Variants in FRAS1 observed in about 807,000 individuals in gnomAD.
FRAS1 encodes extracellular matrix organizing protein FRAS1.
In FRAS1, 290 loss-of-function variants were observed where a neutral mutation model predicts 435.2. The ratio of observed to expected loss-of-function variants is 0.67; its 90% CI spans 0.61 to 0.73. FRAS1 has a LOEUF of 0.73. Ranked by LOEUF, FRAS1 falls within the 30% of genes least tolerant of loss-of-function variation. The pLI is 0.00. For synonymous variants in FRAS1, 1,800 were observed against 1,851.0 expected (o/e 0.97, Z 0.71); for missense variants, 4,860 against 5,001.5 (o/e 0.97, Z 0.85).
chr4:78,531,620 T>G (rs1227929949), intron 70 of FRAS1, among the ~76,000 whole-genome samples: 1 of 152,214 alleles, frequency 6.6e-6, no homozygotes, highest in Non-Finnish European at 1.5e-5. Context: ...AACTTGCTGC[T>G]TCTCCCCTGT....
intron 2 of FRAS1, among the ~76,000 whole-genome samples, chr4:78,196,610 T>G (rs1722823975): frequency 1.3e-5 from 2 of 152,222 alleles, no homozygotes; most frequent in Admixed American, 1.3e-4. Flanking sequence ...ATAACTTTTT[T>G]TTTTTCCTGA....
chr4:78,337,865 G>T, intron 20 of FRAS1, 48 bp downstream of exon 20: 1 of 1,605,534 alleles, frequency 6.2e-7, no homozygotes, highest in Non-Finnish European at 8.5e-7. Flanking sequence ...GGCAGCTGCC[G>T]GGGCTCTTCA....
chr4:78,124,069 C>T (rs1719191159), intron 2 of FRAS1, among the ~76,000 whole-genome samples: 1 of 152,190 alleles, frequency 6.6e-6, no homozygotes, highest in Admixed American at 6.5e-5. Context: ...AAAGGGAATG[C>T]TTCCAGTTTT....
chr4:78,303,904 T>C (rs375964250), intron 14 of FRAS1, among the ~76,000 whole-genome samples: 6 of 150,346 alleles, frequency 4.0e-5, no homozygotes, highest in South Asian at 2.1e-4. Flanking sequence ...TGAATAGGAG[T>C]GGTGAGAGAG....
intron 22 of FRAS1, among the ~76,000 whole-genome samples, chr4:78,366,305 C>G (rs11945678): frequency 0.43 from 65,271 of 152,100 alleles, 16,196 homozygotes; most frequent in Non-Finnish European, 0.56. Context: ...CAGAGTTACT[C>G]AAGCCAATCT....
chr4:78,126,428 G>T (rs527785869), intron 2 of FRAS1, among the ~76,000 whole-genome samples: 102 of 152,330 alleles, frequency 6.7e-4, no homozygotes, highest in Admixed American at 1.6e-3. Flanking sequence ...ACTAGTCCCA[G>T]TGAGATGAAC....
chr4:78,098,284 T>G (rs1741924058), intron 2 of FRAS1, among the ~76,000 whole-genome samples: 1 of 150,526 alleles, frequency 6.6e-6, no homozygotes, highest in Non-Finnish European at 1.5e-5. Flanking sequence ...TTCTTTTTTT[T>G]TTTTTTTTGG....
rs74893276 is a variant in FRAS1, at chr4:78,264,004, A to G, written c.604-1021A>G. Among the ~76,000 whole-genome samples the G allele has an allele frequency of 5.0e-3, 758 of 152,314 alleles. 6 individuals are homozygous for G. Among genetic ancestry groups the G allele is most frequent in the Non-Finnish European group, 8.7e-3 (595 of 68,024 alleles). ...CTTGCAGCATGAATACCAGAGTAAC[A>G]ATGACAATAAAATTGTGTTTTCTAC... On this transcript the variant is annotated intron_variant, in intron 6 of 73. Transcript: ENST00000512123.
chr4:78,334,280 A>G (rs1730072276), intron 19 of FRAS1, among the ~76,000 whole-genome samples: 1 of 149,414 alleles, frequency 6.7e-6, no homozygotes, highest in African/African-American at 2.5e-5. Context: ...TCTACTTTTT[A>G]TGCATGTTGT....
intron 1 of FRAS1, among the ~76,000 whole-genome samples, chr4:78,061,502 G>C (rs1368251386): frequency 6.6e-6 from 1 of 152,142 alleles, no homozygotes; most frequent in Non-Finnish European, 1.5e-5. Flanking sequence ...TGTGATTTTA[G>C]CCATTCCCAC....
At chr4:78,101,884 G>T (rs1742149886) in intron 2 of FRAS1, among the ~76,000 whole-genome samples, 1 of 152,138 alleles carries the variant, frequency 6.6e-6, no homozygotes, top group South Asian at 2.1e-4. Flanking sequence ...CAGTCACGGA[G>T]TGCAGGTTTT....
At chr4:78,066,281 T>A (rs1740035703) in intron 2 of FRAS1, among the ~76,000 whole-genome samples, 2 of 152,168 alleles carry the variant, frequency 1.3e-5, no homozygotes, top group African/African-American at 4.8e-5. Flanking sequence ...GTTCTTTGTG[T>A]TCTTTTAATC....
At chr4:78,379,479 T>C in intron 26 of FRAS1, 1 of 450,724 alleles carries the variant, frequency 2.2e-6, no homozygotes, top group South Asian at 2.7e-5. Context: ...CAAAGAGACA[T>C]CATGTGTATT....
intron 2 of FRAS1, among the ~76,000 whole-genome samples, chr4:78,152,607 CTTTTTT>C (rs71214398): frequency 2.1e-4 from 15 of 72,414 alleles, no homozygotes; most frequent in African/African-American, 3.3e-4. Flanking sequence ...ATGTAGGCTG[CTTTTTT>C]TTTTTTTTTT....
At position 78,129,072 on chromosome 4, in the gene FRAS1, C is replaced by T. The variant is rs796606060; in HGVS notation, c.108+63056C>T. Among the ~76,000 whole-genome samples the T allele has an allele frequency of 5.7e-4, 87 of 152,204 alleles. 2 individuals are homozygous for T. The highest frequency in any genetic ancestry group is 1.6e-3 in the African/African-American group (65 of 41,536). ...CAAAGATCAGATAGTTGTAGATATGCGGCATTATTTCTGAGGGCTCTGTTC... is the reference window on the plus strand; with the variant it reads ...CAAAGATCAGATAGTTGTAGATATGTGGCATTATTTCTGAGGGCTCTGTTC... On this transcript the variant is annotated intron_variant, in intron 2 of 73. Coordinates refer to ENST00000512123, the MANE Select transcript of FRAS1 (RefSeq NM_025074.7).
chr4:78,196,230 A>C (rs1009450553), intron 2 of FRAS1, among the ~76,000 whole-genome samples: 1 of 152,026 alleles, frequency 6.6e-6, no homozygotes, highest in Admixed American at 6.6e-5. Context: ...GATGGTCTTG[A>C]TCTCCTGACC....
intron 61 of FRAS1, 57 bp from the exon 62 acceptor site, chr4:78,507,364 C>T: frequency 6.7e-7 from 1 of 1,493,124 alleles, no homozygotes. Context: ...GCTGCACTCT[C>T]TTGGGTGTGT....
chr4:78,243,134 A>G (rs914411517), intron 3 of FRAS1, among the ~76,000 whole-genome samples: 11 of 152,206 alleles, frequency 7.2e-5, no homozygotes, highest in African/African-American at 1.9e-4. Context: ...GCAAACCTCA[A>G]TGCAGATAAT....
chr4:78,297,529 G>C (rs1383660676), intron 14 of FRAS1, among the ~76,000 whole-genome samples: 1 of 152,074 alleles, frequency 6.6e-6, no homozygotes, highest in Non-Finnish European at 1.5e-5. Context: ...TTTAGAGTAG[G>C]GTTTTAGTAA....
Sources: allele counts gnomAD v4.1 joint callset (sites outside exome capture counted in the v4.1 genomes callset), GRCh38; gene constraint gnomAD v4.1.1; transcripts MANE v1.5; gene names NCBI Gene and HGNC (gene_info 2026-07-23, HGNC 2026-07-21).